The following SRCAP variants were observed in gnomAD, a reference collection of about 807,000 sequenced individuals.
SRCAP encodes Snf2 related CREBBP activator protein.
SRCAP carries 46 observed loss-of-function variants against 263.1 expected under a neutral mutation model. That is an observed-to-expected ratio of 0.17 (90% CI 0.14 to 0.22). SRCAP has a LOEUF of 0.22. SRCAP is among the 10% of genes least tolerant of loss of function. The pLI is 1.00. For synonymous variants in SRCAP, 1,813 were observed against 1,662.1 expected (o/e 1.09, Z -2.21); for missense variants, 3,695 against 4,181.9 (o/e 0.88, Z 3.21).
Position 30,738,418 on chromosome 16 carries a change from T to C in SRCAP, c.8378T>C (p.Val2793Ala), listed in dbSNP as rs1401922798. 1 of 1,552,922 alleles carries C rather than the reference T, an allele frequency of 6.4e-7. No homozygotes were observed. Among genetic ancestry groups the C allele is most frequent in the South Asian group, 1.2e-5 (1 of 81,040 alleles). Residue 2793 changes from valine (V) to alanine (A), a missense_variant, in exon 34 of 34, where the codon GTC becomes GCC. By Grantham distance (64) the Val-to-Ala change is moderately conservative. Around this residue, in one of 12 missense-constraint regions of SRCAP, gnomAD observed 1,207 missense variants for 1,142.9 expected, o/e 1.06. Coordinates refer to ENST00000262518, the MANE Select transcript of SRCAP (RefSeq NM_006662.3). ...ETSASPGSPS[V>A]RSMSGPESSP... ...AGTGCCAGCCCGGGAAGCCCGTCTG[T>C]CCGCAGCATGTCAGGGCCAGAATCC...
rs886051907 is a variant in SRCAP, at chr16:30,738,947, C to T, written c.8907C>T (p.Pro2969=). ...DGNSESRTQP[P]PHPSPLTPLP... ...ACTCCGAAAGTCGGACACAGCCACCCCCACACCCATCACCCCTAACCCCAC... is the reference window on the plus strand; with the variant it reads ...ACTCCGAAAGTCGGACACAGCCACCTCCACACCCATCACCCCTAACCCCAC... The change falls in exon 34 of 34, where the codon CCC becomes CCT. Residue 2969 remains proline (P), a synonymous_variant. Coordinates refer to ENST00000262518, the MANE Select transcript of SRCAP (RefSeq NM_006662.3). 4 of 1,613,850 alleles carry T rather than the reference C, an allele frequency of 2.5e-6. No homozygotes were observed. The South Asian group carries it at 4.4e-5, about 18-fold the overall frequency.
intron 4 of SRCAP, among the ~76,000 whole-genome samples, chr16:30,705,993 A>G (rs2052823529): frequency 6.6e-6 from 1 of 152,086 alleles, no homozygotes; most frequent in South Asian, 2.1e-4. Context: ...TGTGAGCACA[A>G]CCTGTTTCTA....
At position 30,712,264 on chromosome 16, in the gene SRCAP, A is replaced by G. The variant is rs1158368583; in HGVS notation, c.1818A>G (p.Val606=). 1 of 1,594,932 alleles carries G rather than the reference A, an allele frequency of 6.3e-7. No homozygotes were observed. Among genetic ancestry groups the G allele is most frequent in the African/African-American group, 1.3e-5 (1 of 74,144 alleles). ...TACCTATATTTCCTCTCTGACAGGT[A>G]AAGACGCCCATTCCCCTGCTTCTGC... ...PKGYTLATTQ[V]KTPIPLLLRG... is the part of the protein sequence containing the mutation. The change falls in exon 13 of 34, where the codon GTA becomes GTG. Residue 606 remains valine (V), a splice_region_variant and synonymous_variant. Coordinates refer to ENST00000262518, the MANE Select transcript of SRCAP (RefSeq NM_006662.3).
At position 30,736,309 on chromosome 16, in the gene SRCAP, G is replaced by A. The variant is rs1452240541; in HGVS notation, c.6839G>A (p.Gly2280Asp). ...EFNENDGFPA[G>D]EGEEAGRPGA... Reference sequence around the variant, plus strand: ...AATGAGAACGATGGGTTTCCTGCTGGTGAGGGAGAGGAAGCTGGCCGGCCT... The same window carrying A: ...AATGAGAACGATGGGTTTCCTGCTGATGAGGGAGAGGAAGCTGGCCGGCCT... The change falls in exon 32 of 34, where the codon GGT becomes GAT. Residue 2280 changes from glycine to aspartate, a missense_variant. By Grantham distance (94) the Gly-to-Asp change is moderately conservative. Coordinates refer to ENST00000262518, the MANE Select transcript of SRCAP (RefSeq NM_006662.3). The A allele has an allele frequency of 2.5e-6, 4 of 1,614,070 alleles. No homozygotes were observed. Among genetic ancestry groups the A allele is most frequent in the African/African-American group, 1.3e-5 (1 of 74,926 alleles).
intron 25 of SRCAP, among the ~76,000 whole-genome samples, chr16:30,726,921 C>T (rs544494587): frequency 5.3e-5 from 8 of 152,220 alleles, no homozygotes; most frequent in African/African-American, 1.9e-4. Context: ...GGGCTGGTCT[C>T]GAACTCCTGA....
rs754639611 is a variant in SRCAP at position 30,739,429 on chromosome 16, C to T, written c.9389C>T (p.Pro3130Leu). ...CTGCGTCCAGGGTCTCTAGTCCCCC[C>T]ACTAGAGACTGAGAAGTTGCCTCGC... Reference protein sequence around the residue: ...TRLRPGSLVPPLETEKLPRKR... With the variant: ...TRLRPGSLVPLLETEKLPRKR... Residue 3130 changes from proline (P) to leucine (L), a missense_variant, in exon 34 of 34, where the codon CCA (proline) becomes CTA (leucine). By Grantham distance (98) the Pro-to-Leu change is moderately conservative. Coordinates refer to ENST00000262518, the MANE Select transcript of SRCAP (RefSeq NM_006662.3). 1.9e-6 allele frequency: 3 copies of T among 1,614,214 alleles called. No homozygotes were observed. Among genetic ancestry groups the T allele is most frequent in the Admixed American group, 1.7e-5 (1 of 60,032 alleles).
At chr16:30,704,457 A>C (rs2052804019) in intron 4 of SRCAP, 142 bp downstream of exon 4, 2 of 970,988 alleles carry the variant, frequency 2.1e-6, no homozygotes, top group South Asian at 3.7e-5. Context: ...GATCGTGAGC[A>C]AACTGCTTGA....
intron 18 of SRCAP, 113 bp downstream of exon 18, chr16:30,716,592 A>G (rs905050850): frequency 6.5e-6 from 6 of 927,910 alleles, no homozygotes; most frequent in Non-Finnish European, 9.8e-6. Context: ...CTCCCCTATC[A>G]TTCCCTTAGT....
At position 30,707,725 on chromosome 16, in the gene SRCAP, G is replaced by A. The variant is rs1016999544; in HGVS notation, c.633+13G>A. The A allele has an allele frequency of 9.3e-6, 15 of 1,613,858 alleles. No individual in the cohort carries two copies. The highest frequency in any genetic ancestry group is 1.3e-5 in the Non-Finnish European group (15 of 1,179,898). On this transcript the variant is annotated intron_variant, in intron 6 of 33. Transcript: ENST00000262518. ...CAATGTGGAGAAGGTAGACAGTGGGGATCAGGAAAGGAAAATGGCCTTGGA... is the reference window on the plus strand; with the variant it reads ...CAATGTGGAGAAGGTAGACAGTGGGAATCAGGAAAGGAAAATGGCCTTGGA...
rs755157423 is a variant in SRCAP at position 30,721,381 on chromosome 16, C to A, written c.3446C>A (p.Thr1149Asn). 1.9e-6 allele frequency: 3 copies of A among 1,614,040 alleles called. No individual in the cohort carries two copies. Among genetic ancestry groups the A allele is most frequent in the Non-Finnish European group, 2.5e-6 (3 of 1,180,050 alleles). The change falls in exon 21 of 34, where the codon ACC becomes AAC. Residue 1149 changes from threonine to asparagine, a missense_variant. By Grantham distance (65) the Thr-to-Asn change is moderately conservative. Around this residue, in one of 12 missense-constraint regions of SRCAP, gnomAD observed 1,347 missense variants for 1,304.4 expected, o/e 1.03. Coordinates refer to ENST00000262518, the MANE Select transcript of SRCAP (RefSeq NM_006662.3). ...CCTGCTGCTGCCACCACCACTTCTA[C>A]CACCACGGCAACTGCTACCACCACA... ...FPPAAATTTSTTTATATTTAV... is the reference protein window; with the variant it reads ...FPPAAATTTSNTTATATTTAV...
At chr16:30,702,239 C>T (rs1473016560) in intron 3 of SRCAP, among the ~76,000 whole-genome samples, 1 of 151,052 alleles carries the variant, frequency 6.6e-6, no homozygotes, top group Non-Finnish European at 1.5e-5. Context: ...CAGGTGTGAA[C>T]CACCGCGCCT....
In SRCAP at chr16:30,712,327, C is replaced by T. The variant is rs2052900895; in HGVS notation, c.1881C>T (p.Asp627=). 2.5e-6 allele frequency: 4 copies of T among 1,613,112 alleles called. No homozygotes were observed. Among genetic ancestry groups the T allele is most frequent in the African/African-American group, 1.3e-5 (1 of 74,876 alleles). The change falls in exon 13 of 34, where the codon GAC becomes GAT. Residue 627 remains aspartate (D), a synonymous_variant. Coordinates refer to ENST00000262518, the MANE Select transcript of SRCAP (RefSeq NM_006662.3). ...QLREYQHIGL[D]WLVTMYEKKL... ...GGGAGTACCAGCACATTGGGCTAGACTGGCTGGTTACCATGTATGAGAAGA... is the reference window on the plus strand; with the variant it reads ...GGGAGTACCAGCACATTGGGCTAGATTGGCTGGTTACCATGTATGAGAAGA...
rs757253425 is a variant in SRCAP at position 30,713,648 on chromosome 16, C to T, written c.2430C>T (p.Pro810=). Residue 810 remains proline (P), a synonymous_variant, in exon 16 of 34, where the codon CCC becomes CCT. Coordinates refer to ENST00000262518, the MANE Select transcript of SRCAP (RefSeq NM_006662.3). ...HREFKEWFSN[P]LTGMIEGSQE... The stretch of plus-strand genomic sequence containing the variant: ...AGTTCAAGGAGTGGTTCTCTAATCC[C>T]CTAACTGGCATGATTGAGGGCAGCC... 16 of 1,613,986 alleles carry T rather than the reference C, an allele frequency of 9.9e-6. No individual in the cohort carries two copies. The South Asian group carries it at 1.5e-4, about 16-fold the overall frequency.
chr16:30,729,405 C>T lies in SRCAP; in HGVS notation c.5960C>T (p.Pro1987Leu), dbSNP rs1260122904. ...IFVMPPVEAP[P>L]PSLHACHPPP... ...GTCATGCCTCCTGTGGAGGCACCTC[C>T]CCCTTCCCTGCATGCCTGCCACCCA... The change falls in exon 27 of 34, where the codon CCC (proline) becomes CTC (leucine). Residue 1987 changes from proline (P) to leucine (L), a missense_variant. By Grantham distance (98) the Pro-to-Leu change is moderately conservative. This residue lies in a region of SRCAP where 1,347 missense variants were observed against 1,304.4 expected (regional missense o/e 1.03). Transcript: ENST00000262518. 6.2e-7 allele frequency: 1 copy of T among 1,614,174 alleles called. No individual in the cohort carries two copies.
At chr16:30,726,158 A>G (rs1010126575) in intron 25 of SRCAP, 1 of 152,114 alleles carries the variant, frequency 6.6e-6, no homozygotes. Context: ...GGCATCTTCT[A>G]CTTAGATTAA....
chr16:30,722,068 A>G, intron 21 of SRCAP, 54 bp from the exon 22 acceptor site: 1 of 1,573,876 alleles, frequency 6.4e-7, no homozygotes, highest in Non-Finnish European at 8.7e-7. Context: ...GGGTCTGTGA[A>G]GTGGTGTTGA....
rs2053172809 is a variant in SRCAP at position 30,737,537 on chromosome 16, C to CACCCCTACTCCTGCCTGT, written c.7503_7504insACTCCTGCCTGTACCCCT (p.Pro2501_Pro2502insThrProAlaCysThrPro). 12 of 1,608,744 alleles carry CACCCCTACTCCTGCCTGT rather than the reference C, an allele frequency of 7.5e-6. No homozygotes were observed. The East Asian group carries it at 2.7e-4, about 36-fold the overall frequency. On this transcript the variant is annotated inframe_insertion, in exon 34 of 34. Coordinates refer to ENST00000262518, the MANE Select transcript of SRCAP (RefSeq NM_006662.3). Reference sequence around the variant, plus strand: ...TTCCTCCTTGTTCTTCTCCTGCCTGCACCCCTCCTCCTGCCTGTACCCCTC... The same window carrying CACCCCTACTCCTGCCTGT: ...TTCCTCCTTGTTCTTCTCCTGCCTGCACCCCTACTCCTGCCTGTACCCCTCCTCCTGCCTGTACCCCTC...
chr16:30,738,167 C>G lies in SRCAP; in HGVS notation c.8127C>G (p.Ser2709=). 6.2e-7 allele frequency: 1 copy of G among 1,614,200 alleles called. No individual in the cohort carries two copies. Among genetic ancestry groups the G allele is most frequent in the Non-Finnish European group, 8.5e-7 (1 of 1,180,042 alleles). ...CATCCACCTCATCTTCAGCCACTTC[C>G]TCGCCTGAGGGTCCTTCACCTGCCC... ...AAPSTSSSAT[S]SPEGPSPARP... is the part of the protein sequence containing the mutation. The change falls in exon 34 of 34, where the codon TCC becomes TCG. Residue 2709 remains serine (S), a synonymous_variant. Coordinates refer to ENST00000262518, the MANE Select transcript of SRCAP (RefSeq NM_006662.3).
rs752152893 is a variant in SRCAP, at chr16:30,704,195, C to A, written c.186C>A (p.Gly62=). The A allele has an allele frequency of 2.5e-6, 4 of 1,614,036 alleles. No individual in the cohort carries two copies. The highest frequency in any genetic ancestry group is 3.4e-6 in the Non-Finnish European group (4 of 1,180,032). The change falls in exon 4 of 34, where the codon GGC becomes GGA. Residue 62 remains glycine (G), a synonymous_variant. Transcript: ENST00000262518. ...AQDSSLDGPP[G]PPDGATVPLE... ...ATTCCTCACTGGATGGACCTCCAGG[C>A]CCCCCAGATGGTGCCACAGTGCCCC...
Sources: gnomAD v4.1 joint callset for allele counts (sites outside exome capture counted in the v4.1 genomes callset) on GRCh38, gnomAD v4.1.1 for gene constraint, gnomAD v4.1.1 regional missense constraint, MANE v1.5 for transcripts, NCBI Gene and HGNC (gene_info 2026-07-23, HGNC 2026-07-21) for gene names.